Variants in ITIH6 observed in about 807,000 individuals in gnomAD.
The protein encoded by ITIH6 is inter-alpha-trypsin inhibitor heavy chain H6.
In ITIH6, 60 loss-of-function variants were observed where a neutral mutation model predicts 58.2. The ratio of observed to expected loss-of-function variants is 1.03; its 90% CI spans 0.84 to 1.28. ITIH6 has a LOEUF of 1.28. Ranked by LOEUF, ITIH6 falls within the 50% of genes most tolerant of loss-of-function variation. ITIH6 has a pLI of 0.00. For missense variants in ITIH6, 1,290 were observed against 1,021.1 expected, an observed-to-expected ratio of 1.26 and a Z score of -3.59; for synonymous variants, 493 against 417.4, an observed-to-expected ratio of 1.18 and a Z score of -2.21.
In ITIH6 at chrX:54,751,139, G is replaced by A; in HGVS notation, c.3594C>T (p.Thr1198=). ...ACTCAAGGTAGGGCCCAAGGCGGAG[G>A]GTAAGGCGGGCTGCAGCAGCCACAT... ...ELYVAAAARL[T]LRLGPYLEFL... is the part of the protein sequence containing the mutation. Residue 1198 remains threonine (T), a synonymous_variant, in exon 12 of 13, where the codon ACC becomes ACT. Transcript: ENST00000218436. The A allele has an allele frequency of 8.3e-7, 1 of 1,210,048 alleles. No homozygotes were observed. The highest frequency in any genetic ancestry group is 1.1e-6 in the Non-Finnish European group (1 of 894,624).
At chrX:54,789,599 G>A (rs946324926) in intron 4 of ITIH6, among the ~76,000 whole-genome samples, 1 of 112,376 alleles carries the variant, frequency 8.9e-6, no homozygotes, top group African/African-American at 3.2e-5. Context: ...GGACTCAAAT[G>A]GCCTGTGGGT....
intron 6 of ITIH6, among the ~76,000 whole-genome samples, chrX:54,773,294 AG>A (rs1384776033): frequency 9.0e-6 from 1 of 111,426 alleles, no homozygotes; most frequent in Non-Finnish European, 1.9e-5. Flanking sequence ...CAGTGAGACA[AG>A]AAGGCTAGAA....
In ITIH6 at chrX:54,755,990, G is replaced by A. The variant is rs201150988; in HGVS notation, c.3110-881C>T. Among the ~76,000 whole-genome samples, 8 of 111,713 alleles carry A rather than the reference G, an allele frequency of 7.2e-5. No homozygotes were observed. The East Asian group carries it at 2.3e-3, about 32-fold the overall frequency. ...AAGCAGGGAAACCAGTGAGGAGCCT[G>A]GAACAGTTTTCTAGGTGAGACACAA... On this transcript the variant is annotated intron_variant, in intron 8 of 12. Transcript: ENST00000218436.
intron 6 of ITIH6, 47 bp downstream of exon 6, chrX:54,774,034 G>A: frequency 3.9e-6 from 3 of 768,925 alleles, no homozygotes; most frequent in Non-Finnish European, 5.8e-6. Flanking sequence ...CTGCTTTCTG[G>A]GTCTTCTGAT....
chrX:54,791,264 TCTCC>T (rs1929344061), intron 3 of ITIH6, among the ~76,000 whole-genome samples, 180 bp from the exon 4 acceptor site: 2 of 108,555 alleles, frequency 1.8e-5, no homozygotes, highest in South Asian at 8.2e-4. Flanking sequence ...TCAGTCTCTC[TCTCC>T]CTCCCTCCCT....
chrX:54,755,100 T>A lies in ITIH6; in HGVS notation c.3119A>T (p.Asn1040Ile), dbSNP rs374015963. ...FLTPDEDGSP[N>I]WDGNSEEILG... is the part of the protein sequence containing the mutation. ...GATCTCCTCAGAATTGCCATCCCAG[T>A]TTGGACTTCCTGCCAAGCACAAAAG... Residue 1040 changes from asparagine (N) to isoleucine (I), a missense_variant, in exon 9 of 13, where the codon AAC becomes ATC. By Grantham distance (149) the Asn-to-Ile change is moderately radical (BLOSUM62 -3). Transcript: ENST00000218436. 9 of 1,202,682 alleles carry A rather than the reference T, an allele frequency of 7.5e-6. No individual in the cohort carries two copies. Among genetic ancestry groups the A allele is most frequent in the Non-Finnish European group, 9.0e-6 (8 of 889,345 alleles).
chrX:54,756,112 A>T (rs192898939), intron 8 of ITIH6, among the ~76,000 whole-genome samples: 1 of 110,970 alleles, frequency 9.0e-6, no homozygotes, highest in African/African-American at 3.3e-5. Flanking sequence ...CTGAGGATGG[A>T]TAGGATATTG....
intron 5 of ITIH6, among the ~76,000 whole-genome samples, chrX:54,777,151 C>T (rs1046950014): frequency 2.7e-5 from 3 of 112,323 alleles, no homozygotes; most frequent in African/African-American, 6.5e-5. Flanking sequence ...AAGGGAAAAT[C>T]GGTGGTTGTC....
At chrX:54,766,302 G>T (rs1441950958) in intron 6 of ITIH6, among the ~76,000 whole-genome samples, 1 of 95,094 alleles carries the variant, frequency 1.1e-5, no homozygotes, top group African/African-American at 3.9e-5. Flanking sequence ...AGATGATGGG[G>T]TTTTCTAGAT....
intron 6 of ITIH6, among the ~76,000 whole-genome samples, chrX:54,768,292 C>T (rs771795957): frequency 4.2e-5 from 3 of 70,643 alleles, no homozygotes; most frequent in African/African-American, 6.5e-5. Flanking sequence ...TGTCTCTGCA[C>T]GTGAGATGGG....
intron 5 of ITIH6, among the ~76,000 whole-genome samples, chrX:54,776,852 T>G (rs936205197): frequency 1.8e-5 from 2 of 111,851 alleles, no homozygotes; most frequent in African/African-American, 3.3e-5. Flanking sequence ...TGGCTTTAGG[T>G]GATGCACATT....
chrX:54,758,058 T>G lies in ITIH6; in HGVS notation c.2016A>C (p.Ser672=). 1 of 1,210,978 alleles carries G rather than the reference T, an allele frequency of 8.3e-7. No homozygotes were observed. ...RPVKPKFYLS[S]TTTASTKKML... is the part of the protein sequence containing the mutation. ...TCTTCTTGGTAGAGGCAGTAGTAGTTGAGGATAAGTAGAACTTTGGTTTCA... is the reference window on the plus strand; with the variant it reads ...TCTTCTTGGTAGAGGCAGTAGTAGTGGAGGATAAGTAGAACTTTGGTTTCA... Residue 672 remains serine (S), a synonymous_variant, in exon 8 of 13, where the codon TCA becomes TCC. Transcript: ENST00000218436.
intron 5 of ITIH6, among the ~76,000 whole-genome samples, chrX:54,774,963 G>T (rs1231938534): frequency 9.0e-6 from 1 of 111,721 alleles, no homozygotes; most frequent in African/African-American, 3.3e-5. Flanking sequence ...AGCAGGCTCT[G>T]CCCAGGGCCA....
chrX:54,783,280 C>T (rs985563410), intron 5 of ITIH6, among the ~76,000 whole-genome samples: 13 of 111,814 alleles, frequency 1.2e-4, no homozygotes, highest in Admixed American at 2.8e-4. Context: ...GACTGGAGCA[C>T]GACACGGATG....
chrX:54,793,646 A>C (rs1929386767), intron 2 of ITIH6, among the ~76,000 whole-genome samples: 1 of 112,066 alleles, frequency 8.9e-6, no homozygotes, highest in African/African-American at 3.2e-5. Context: ...GGAGGTGCTC[A>C]ACAATTATTT....
Position 54,750,117 on chromosome X carries a change from G to A in ITIH6, c.3731-11C>T, listed in dbSNP as rs1928324357. ...CGTGCTGGAACTGCCCTGAGGGAGA[G>A]AGATGCAGTGCTAGTCAGGGAGGTG... On this transcript the variant is annotated splice_polypyrimidine_tract_variant and intron_variant, in intron 12 of 12. Coordinates refer to ENST00000218436, the MANE Select transcript of ITIH6 (RefSeq NM_198510.3). 8.5e-7 allele frequency: 1 copy of A among 1,176,427 alleles called. No individual in the cohort carries two copies. Among genetic ancestry groups the A allele is most frequent in the Non-Finnish European group, 1.2e-6 (1 of 869,027 alleles).
chrX:54,790,256 T>G (rs1376712469), intron 4 of ITIH6, among the ~76,000 whole-genome samples: 3 of 108,839 alleles, frequency 2.8e-5, no homozygotes, highest in African/African-American at 1.0e-4. Flanking sequence ...ACCCCCATGC[T>G]ACTGAACCAG....
chrX:54,776,438 A>C (rs1218026626), intron 5 of ITIH6, among the ~76,000 whole-genome samples: 1 of 110,438 alleles, frequency 9.1e-6, no homozygotes, highest in African/African-American at 3.3e-5. Context: ...TAGGGGGCAC[A>C]CAACCTACCG....
In ITIH6 at chrX:54,774,109, C is replaced by T. The variant is rs138859859; in HGVS notation, c.875G>A (p.Ser292Asn). ...TTCCATCTTGGTACCAAACATGGAGCTGCTTACGTCAATAACAAAAACCAC... is the reference window on the plus strand; with the variant it reads ...TTCCATCTTGGTACCAAACATGGAGTTGCTTACGTCAATAACAAAAACCAC... ...KNVVFVIDVS[S>N]SMFGTKMEQT... The change falls in exon 6 of 13, where the codon AGC becomes AAC. Residue 292 changes from serine (S) to asparagine (N), a missense_variant. Physicochemically the swap from Ser to Asn is conservative, Grantham distance 46. Transcript: ENST00000218436. 4,321 of 1,182,993 alleles carry T rather than the reference C, an allele frequency of 3.7e-3. 16 individuals carry two copies. Among genetic ancestry groups the T allele is most frequent in the Non-Finnish European group, 3.8e-3 (3,307 of 878,523 alleles).
Sources: gnomAD v4.1 joint callset for allele counts (sites outside exome capture counted in the v4.1 genomes callset) on GRCh38, gnomAD v4.1.1 for gene constraint, MANE v1.5 for transcripts, NCBI Gene and HGNC (gene_info 2026-07-23, HGNC 2026-07-21) for gene names.